CNTLN: variants seen among roughly 807,000 people sequenced by gnomAD.
CNTLN encodes the protein centlein, centrosomal protein.
CNTLN carries 212 observed loss-of-function variants against 180.0 expected under a neutral mutation model. The ratio of observed to expected loss-of-function variants is 1.18; its 90% CI spans 1.05 to 1.32. The LOEUF (loss-of-function observed/expected upper bound fraction) is 1.32, where lower values mean the gene tolerates loss of function less well. Ranked by LOEUF, CNTLN falls within the 40% of genes most tolerant of loss-of-function variation. The pLI, the probability that CNTLN is intolerant of heterozygous loss-of-function variation, is 0.00. For synonymous variants in CNTLN, 722 were observed against 563.1 expected, an observed-to-expected ratio of 1.28 and a Z score of -3.99; for missense variants, 2,095 against 1,610.9, an observed-to-expected ratio of 1.30 and a Z score of -5.14.
At chr9:17,343,848 A>G (rs983278133) in intron 12 of CNTLN, among the ~76,000 whole-genome samples, 2 of 151,948 alleles carry the variant, frequency 1.3e-5, no homozygotes, top group Non-Finnish European at 2.9e-5. Context: ...CCTCCCATCC[A>G]TCCTGCCCAG....
chr9:17,318,333 C>A lies in CNTLN; in HGVS notation c.1341+9081C>A, dbSNP rs749369408. Reference sequence around the variant, plus strand: ...CGTGAGCCACCGCGCCGGGCCCTAACTGAATATTTTTAAAAGATCACTCTG... The same window carrying A: ...CGTGAGCCACCGCGCCGGGCCCTAAATGAATATTTTTAAAAGATCACTCTG... On this transcript the variant is annotated intron_variant, in intron 8 of 25. Coordinates refer to ENST00000380647, the MANE Select transcript of CNTLN (RefSeq NM_017738.4). 2.2e-4 allele frequency among the ~76,000 whole-genome samples: 34 copies of A among 152,098 alleles called. 1 individual carries two copies. Among genetic ancestry groups the A allele is most frequent in the Admixed American group, 7.2e-4 (11 of 15,272 alleles).
chr9:17,147,189 G>T (rs1472320143), intron 2 of CNTLN, among the ~76,000 whole-genome samples: 1 of 152,198 alleles, frequency 6.6e-6, no homozygotes, highest in African/African-American at 2.4e-5. Flanking sequence ...AAGGTGTGTA[G>T]TAGATAGACT....
At chr9:17,354,558 C>G (rs1340588881) in intron 12 of CNTLN, among the ~76,000 whole-genome samples, 1 of 152,196 alleles carries the variant, frequency 6.6e-6, no homozygotes, top group Non-Finnish European at 1.5e-5. Context: ...CACTCTGTAT[C>G]TAGCTGCTCT....
Position 17,464,628 on chromosome 9 carries a change from C to G in CNTLN, c.3531+5C>G, listed in dbSNP as rs377748199. The G allele has an allele frequency of 7.1e-7, 1 of 1,416,224 alleles. No homozygotes were observed. The highest frequency in any genetic ancestry group is 9.5e-7 in the Non-Finnish European group (1 of 1,054,180). The allele number at this position is 1,416,224 out of a possible 1,614,324, so 87.7% of individuals were successfully genotyped here. ...TTACAAAATCTTGATAAAAAGGTATCAATTTTTATCTTTACTGACACTAAA... is the reference window on the plus strand; with the variant it reads ...TTACAAAATCTTGATAAAAAGGTATGAATTTTTATCTTTACTGACACTAAA... On this transcript the variant is annotated splice_donor_5th_base_variant and intron_variant, in intron 21 of 25. Coordinates refer to ENST00000380647, the MANE Select transcript of CNTLN (RefSeq NM_017738.4).
At chr9:17,203,200 G>A (rs1368426384) in intron 2 of CNTLN, among the ~76,000 whole-genome samples, 1 of 152,188 alleles carries the variant, frequency 6.6e-6, no homozygotes, top group African/African-American at 2.4e-5. Context: ...TCTGCAGAGA[G>A]ATCCACTGTT....
At chr9:17,473,591 C>CAA (rs1832153362) in intron 23 of CNTLN, among the ~76,000 whole-genome samples, 1 of 141,458 alleles carries the variant, frequency 7.1e-6, no homozygotes, top group Non-Finnish European at 1.5e-5. Context: ...ACACCATTTA[C>CAA]CAAAAAAAAA....
intron 18 of CNTLN, among the ~76,000 whole-genome samples, chr9:17,438,147 A>T (rs1188632121): frequency 6.6e-6 from 1 of 152,148 alleles, no homozygotes; most frequent in Non-Finnish European, 1.5e-5. Flanking sequence ...ATTAAATTTG[A>T]ATATCTAAGA....
intron 18 of CNTLN, among the ~76,000 whole-genome samples, chr9:17,453,378 G>A (rs1830910852): frequency 6.6e-6 from 1 of 152,082 alleles, no homozygotes; most frequent in African/African-American, 2.4e-5. Context: ...TATGGATAAA[G>A]AAAACAAAAT....
At chr9:17,294,704 A>G (rs1033253280) in intron 6 of CNTLN, among the ~76,000 whole-genome samples, 1 of 142,020 alleles carries the variant, frequency 7.0e-6, no homozygotes. Context: ...CTTGGATGGG[A>G]CTGGCTGCCG....
chr9:17,350,777 C>T (rs999079089), intron 12 of CNTLN, among the ~76,000 whole-genome samples: 7 of 152,092 alleles, frequency 4.6e-5, no homozygotes, highest in Non-Finnish European at 7.4e-5. Context: ...CATGAGGACC[C>T]CTTTCTATCC....
chr9:17,346,459 C>G lies in CNTLN; in HGVS notation c.1886+4015C>G, dbSNP rs557309414. ...TCAAGATGAGATTTGGGTGGGGACACAGCTAGACCATATCACTACTGAATG... is the reference window on the plus strand; with the variant it reads ...TCAAGATGAGATTTGGGTGGGGACAGAGCTAGACCATATCACTACTGAATG... On this transcript the variant is annotated intron_variant, in intron 12 of 25. Coordinates refer to ENST00000380647, the MANE Select transcript of CNTLN (RefSeq NM_017738.4). 7.4e-4 allele frequency among the ~76,000 whole-genome samples: 112 copies of G among 152,296 alleles called. 1 individual carries two copies. Among genetic ancestry groups the G allele is most frequent in the African/African-American group, 2.6e-3 (107 of 41,564 alleles).
At chr9:17,352,416 A>ATTTTT (rs869286111) in intron 12 of CNTLN, among the ~76,000 whole-genome samples, 11 of 31,272 alleles carry the variant, frequency 3.5e-4, no homozygotes, top group South Asian at 1.2e-3. Flanking sequence ...ATATATATAT[A>ATTTTT]TTTTTTTTTT....
intron 2 of CNTLN, among the ~76,000 whole-genome samples, chr9:17,159,370 A>G (rs1246754997): frequency 6.6e-6 from 1 of 152,138 alleles, no homozygotes; most frequent in Non-Finnish European, 1.5e-5. Flanking sequence ...TGTGAACAAT[A>G]TTATGCTTCT....
intron 22 of CNTLN, 98 bp downstream of exon 22, chr9:17,466,216 C>A: frequency 1.0e-6 from 1 of 994,524 alleles, no homozygotes; most frequent in Non-Finnish European, 1.5e-6. Context: ...AAACCACAAG[C>A]TACTTAAACA....
At chr9:17,312,352 T>TA (rs1244594629) in intron 8 of CNTLN, among the ~76,000 whole-genome samples, 22 of 15,506 alleles carry the variant, frequency 1.4e-3, no homozygotes, top group South Asian at 8.2e-3. Context: ...TTTATATATA[T>TA]ATATATATAT....
rs565996052 is a variant in CNTLN at position 17,340,758 on chromosome 9, C to T, written c.1645-69C>T. On this transcript the variant is annotated intron_variant, in intron 10 of 25. Coordinates refer to ENST00000380647, the MANE Select transcript of CNTLN (RefSeq NM_017738.4). ...CAAATTTCATATTTAGATGGGTAAC[C>T]TTTTATTTGAAACATTATATTAATA... 55 of 1,336,632 alleles carry T rather than the reference C, an allele frequency of 4.1e-5. No homozygotes were observed. In the African/African-American group the frequency reaches 5.9e-4, roughly 14 times the overall value. 82.8% of individuals were successfully genotyped at this position (1,336,632 alleles called of 1,614,324 possible).
intron 13 of CNTLN, among the ~76,000 whole-genome samples, chr9:17,368,253 T>C (rs1198602609): frequency 1.3e-5 from 2 of 152,066 alleles, no homozygotes; most frequent in Admixed American, 6.5e-5. Context: ...AGGCAGAGAC[T>C]CCTTTGCCTG....
chr9:17,177,851 C>T (rs1011398195), intron 2 of CNTLN, among the ~76,000 whole-genome samples: 9 of 152,154 alleles, frequency 5.9e-5, no homozygotes, highest in African/African-American at 2.2e-4. Flanking sequence ...GGAAGGGGAC[C>T]TGAATGGGTT....
At chr9:17,504,447 A>G (rs1833894828), downstream of CNTLN, among the ~76,000 whole-genome samples, 1 of 152,212 alleles carries the variant, frequency 6.6e-6, no homozygotes, top group Non-Finnish European at 1.5e-5. Flanking sequence ...AAGACAGTGT[A>G]CAAAAAAAGA....
Sources: gnomAD v4.1 joint callset for allele counts (sites outside exome capture counted in the v4.1 genomes callset) on GRCh38, gnomAD v4.1.1 for gene constraint, MANE v1.5 for transcripts, NCBI Gene and HGNC (gene_info 2026-07-23, HGNC 2026-07-21) for gene names.